DGKB: variants seen among roughly 807,000 people sequenced by gnomAD.
The protein encoded by DGKB is diacylglycerol kinase beta, also known as 90 kDa diacylglycerol kinase.
Under a neutral mutation model 114.3 loss-of-function variants are expected in DGKB, and 67 were observed. That is an observed-to-expected ratio of 0.59 (90% CI 0.48 to 0.72). DGKB has a LOEUF of 0.72. DGKB is among the 30% of genes least tolerant of loss of function. The pLI is 0.00. For missense variants in DGKB, 907 were observed against 975.2 expected (o/e 0.93, Z 0.93); for synonymous variants, 398 against 323.1 (o/e 1.23, Z -2.49).
Position 14,392,995 on chromosome 7 carries a change from G to GTTTTTTTGTTTTTTTTTTTTTTT in DGKB, c.1836-47605_1836-47604insAAAAAAAAAAAAAAACAAAAAAA, listed in dbSNP as rs1554404750. 6.9e-3 allele frequency among the ~76,000 whole-genome samples: 419 copies of GTTTTTTTGTTTTTTTTTTTTTTT among 60,536 alleles called. 29 individuals carry two copies. The highest frequency in any genetic ancestry group is 0.047 in the East Asian group (89 of 1,878). 39.7% of individuals were successfully genotyped at this position (60,536 alleles called of 152,430 possible). ...CAAAACAGACCTGTTTTTTGTTTTT[G>GTTTTTTTGTTTTTTTTTTTTTTT]TTTTTTTTTTTTTGAGACGGAGTCT... On this transcript the variant is annotated intron_variant, in intron 21 of 25. Transcript: ENST00000402815.
intron 1 of DGKB, among the ~76,000 whole-genome samples, chr7:14,949,772 A>T (rs992632932): frequency 4.6e-5 from 7 of 152,056 alleles, no homozygotes; most frequent in Non-Finnish European, 1.0e-4. Context: ...CTATGCAGCC[A>T]TATAAAAGGA....
intron 13 of DGKB, among the ~76,000 whole-genome samples, chr7:14,660,129 T>G (rs778504641): frequency 7.3e-5 from 11 of 151,674 alleles, no homozygotes; most frequent in East Asian, 4.0e-4. Context: ...GCTGGATTTG[T>G]TTTGCCAGTA....
intron 23 of DGKB, among the ~76,000 whole-genome samples, chr7:14,259,531 A>G (rs1035047667): frequency 6.6e-6 from 1 of 151,998 alleles, no homozygotes; most frequent in African/African-American, 2.4e-5. Flanking sequence ...GCTTCAAGTC[A>G]TTCTCCTGCC....
At chr7:14,480,586 T>TA (rs1159392772) in intron 20 of DGKB, among the ~76,000 whole-genome samples, 3 of 152,130 alleles carry the variant, frequency 2.0e-5, no homozygotes, top group Non-Finnish European at 4.4e-5. Context: ...AAGAAAAAGC[T>TA]AAAATGCCAT....
chr7:14,878,774 A>C (rs1218626066), intron 1 of DGKB, among the ~76,000 whole-genome samples: 1 of 151,672 alleles, frequency 6.6e-6, no homozygotes, highest in East Asian at 1.9e-4. Context: ...AAAAACAAAA[A>C]AAAAAAACCA....
intron 9 of DGKB, among the ~76,000 whole-genome samples, chr7:14,689,752 C>T (rs1159326306): frequency 6.6e-6 from 1 of 152,266 alleles, no homozygotes; most frequent in East Asian, 1.9e-4. Flanking sequence ...GACAGCAGAA[C>T]AAAAACTCTT....
chr7:14,696,491 G>C (rs536080999), intron 8 of DGKB, among the ~76,000 whole-genome samples: 1 of 107,852 alleles, frequency 9.3e-6, no homozygotes, highest in Non-Finnish European at 1.7e-5. Flanking sequence ...GACAGAGCGA[G>C]ACTCCGTCTC....
intron 20 of DGKB, among the ~76,000 whole-genome samples, chr7:14,524,482 G>A (rs1269484190): frequency 9.2e-5 from 14 of 152,290 alleles, no homozygotes; most frequent in East Asian, 7.7e-4. Context: ...CAGGCCAGGC[G>A]CAGTGGCTCA....
At chr7:14,393,993 A>G (rs1821845656) in intron 21 of DGKB, among the ~76,000 whole-genome samples, 1 of 152,196 alleles carries the variant, frequency 6.6e-6, no homozygotes. Flanking sequence ...AAGAAAAAAA[A>G]AAAGTAAGCA....
intron 23 of DGKB, among the ~76,000 whole-genome samples, chr7:14,293,247 T>C (rs1031583786): frequency 3.3e-5 from 5 of 152,152 alleles, no homozygotes; most frequent in African/African-American, 1.2e-4. Flanking sequence ...AGGAAAGCTC[T>C]GCAGAAATCA....
At chr7:14,161,084 G>C (rs1783807233) in intron 25 of DGKB, among the ~76,000 whole-genome samples, 1 of 152,206 alleles carries the variant, frequency 6.6e-6, no homozygotes, top group Non-Finnish European at 1.5e-5. Context: ...CTGGTCATTA[G>C]AGAAATGCAA....
At chr7:14,352,067 A>C (rs1246613686) in intron 21 of DGKB, among the ~76,000 whole-genome samples, 1 of 152,150 alleles carries the variant, frequency 6.6e-6, no homozygotes, top group Middle Eastern at 3.2e-3. Context: ...GACAGATAAA[A>C]ATGCTTGTAT....
At chr7:14,972,900 A>G (rs1000138910) in intron 1 of DGKB, among the ~76,000 whole-genome samples, 3 of 152,078 alleles carry the variant, frequency 2.0e-5, no homozygotes, top group Admixed American at 2.0e-4. Flanking sequence ...ATGTGTGTAT[A>G]CATACATATA....
chr7:14,817,928 C>A (rs1185558820), intron 2 of DGKB, among the ~76,000 whole-genome samples: 1 of 122,392 alleles, frequency 8.2e-6, no homozygotes, highest in African/African-American at 3.6e-5. Flanking sequence ...AGAATCAATT[C>A]TGGTGACAAA....
intron 2 of DGKB, among the ~76,000 whole-genome samples, chr7:14,772,006 C>CA: frequency 6.6e-6 from 1 of 152,088 alleles, no homozygotes; most frequent in South Asian, 2.1e-4. Context: ...TAAACTCAAC[C>CA]AATTGTCAAC....
At chr7:14,510,282 G>A (rs554647913) in intron 20 of DGKB, among the ~76,000 whole-genome samples, 97 of 152,142 alleles carry the variant, frequency 6.4e-4, no homozygotes, top group African/African-American at 2.3e-3. Context: ...TCAAAACTGG[G>A]GTCAGTCTTC....
intron 20 of DGKB, among the ~76,000 whole-genome samples, chr7:14,534,486 G>A (rs890002043): frequency 5.3e-5 from 8 of 151,896 alleles, no homozygotes; most frequent in East Asian, 1.9e-4. Flanking sequence ...TGAATTAAAC[G>A]GTTTAATCAA....
chr7:14,393,052 G>A (rs765332436), intron 21 of DGKB, among the ~76,000 whole-genome samples: 20 of 121,558 alleles, frequency 1.6e-4, no homozygotes, highest in Non-Finnish European at 3.2e-4. Context: ...GCAGTGGCAC[G>A]ATCTCGGCTC....
chr7:14,344,448 A>G (rs1289236099), intron 22 of DGKB, among the ~76,000 whole-genome samples: 3 of 151,666 alleles, frequency 2.0e-5, no homozygotes, highest in African/African-American at 7.3e-5. Context: ...TTATTACCTG[A>G]ATATAAGGAA....
Sources: allele counts gnomAD v4.1 joint callset (sites outside exome capture counted in the v4.1 genomes callset), GRCh38; gene constraint gnomAD v4.1.1; transcripts MANE v1.5; gene names NCBI Gene and HGNC (gene_info 2026-07-23, HGNC 2026-07-21).